KIAA0753: variants seen among roughly 807,000 people sequenced by gnomAD.
KIAA0753 encodes the protein KIAA0753.
In KIAA0753, 114 loss-of-function variants were observed where a neutral mutation model predicts 116.9. That is an observed-to-expected ratio of 0.98 (90% CI 0.84 to 1.14). KIAA0753 has a LOEUF of 1.14. Ranked by LOEUF, KIAA0753 falls within the 50% of genes most tolerant of loss-of-function variation. The pLI is 0.00. For synonymous variants in KIAA0753, 405 were observed against 413.1 expected, an observed-to-expected ratio of 0.98 and a Z score of 0.24; for missense variants, 1,156 against 1,172.4, an observed-to-expected ratio of 0.99 and a Z score of 0.20.
chr17:6,593,638 A>T (rs534579699), intron 16 of KIAA0753, among the ~76,000 whole-genome samples: 2 of 152,376 alleles, frequency 1.3e-5, no homozygotes, highest in East Asian at 3.9e-4. Context: ...CTGGAATCCC[A>T]GCACTGTGGG....
intron 18 of KIAA0753, among the ~76,000 whole-genome samples, chr17:6,583,547 G>T (rs956847013): frequency 1.3e-5 from 2 of 151,488 alleles, no homozygotes; most frequent in Non-Finnish European, 2.9e-5. Context: ...GTCTTTTTTT[G>T]TGTGTCTCCG....
chr17:6,594,709 A>G (rs1969340752), intron 16 of KIAA0753, among the ~76,000 whole-genome samples: 1 of 152,234 alleles, frequency 6.6e-6, no homozygotes, highest in African/African-American at 2.4e-5. Flanking sequence ...CCATAAGTAA[A>G]TATTAAACTC....
intron 2 of KIAA0753, 46 bp downstream of exon 2, chr17:6,634,965 G>T: frequency 8.1e-7 from 1 of 1,241,226 alleles, no homozygotes; most frequent in Non-Finnish European, 1.2e-6. Context: ...CAAATTTTAT[G>T]TTTGAAATAT....
chr17:6,581,279 G>T (rs186365894), intron 18 of KIAA0753, among the ~76,000 whole-genome samples: 70 of 151,766 alleles, frequency 4.6e-4, no homozygotes, highest in African/African-American at 1.5e-3. Flanking sequence ...CCTTTTTTTG[G>T]GGGGGTGGGG....
rs563958974 is a variant in KIAA0753 at position 6,617,372 on chromosome 17, T to C, written c.1315+3416A>G. 3.7e-4 allele frequency among the ~76,000 whole-genome samples: 57 copies of C among 152,280 alleles called. No individual in the cohort carries two copies. The South Asian group carries it at 0.01, about 28-fold the overall frequency. On this transcript the variant is annotated intron_variant, in intron 7 of 18. Coordinates refer to ENST00000361413, the MANE Select transcript of KIAA0753 (RefSeq NM_014804.3). The stretch of plus-strand genomic sequence containing the variant: ...TATATTACTTCTACCTGCCTACCAA[T>C]GAAGGAGAGCGAACATCCCATTAAA...
At chr17:6,638,549 C>A (rs912515683) in intron 1 of KIAA0753, 2 of 155,516 alleles carry the variant, frequency 1.3e-5, no homozygotes, top group African/African-American at 4.8e-5. Flanking sequence ...CAGCCAGCCT[C>A]CTGATCCACT....
At chr17:6,599,493 T>C (rs1186477368) in intron 13 of KIAA0753, among the ~76,000 whole-genome samples, 173 bp from the exon 14 acceptor site, 3 of 152,276 alleles carry the variant, frequency 2.0e-5, no homozygotes, top group African/African-American at 4.8e-5. Flanking sequence ...ATGCCATGTG[T>C]TGATCTTGGC....
chr17:6,591,065 GAAGAAGAAGAAGAAGAA>G (rs1969013437), intron 16 of KIAA0753, among the ~76,000 whole-genome samples: 20 of 80,764 alleles, frequency 2.5e-4, no homozygotes, highest in African/African-American at 1.1e-3. Context: ...AGAAGAAGAA[GAAGAAGAAGAAGAAGAA>G]GAAGAAGAAG....
Position 6,639,295 on chromosome 17 carries a change from C to G in KIAA0753, c.-69+1342G>C, listed in dbSNP as rs1054396013. 6.5e-6 allele frequency: 1 copy of G among 153,248 alleles called. No homozygotes were observed. The highest frequency in any genetic ancestry group is 1.5e-5 in the Non-Finnish European group (1 of 68,860). The allele number at this position is 153,248 out of a possible 1,614,324, so 9.5% of individuals were successfully genotyped here. A position where few individuals can be genotyped will look rare whatever the true frequency, so the allele number is the denominator to read the frequency against. On this transcript the variant is annotated intron_variant, in intron 1 of 18. Coordinates refer to ENST00000361413, the MANE Select transcript of KIAA0753 (RefSeq NM_014804.3). The surrounding 1 kb of genome is among the most constrained non-coding windows in gnomAD (Gnocchi z 4.3). ...AATCTGCGGGGACTGTCCTCTCCCC[C>G]ACAGACCTGCAGCACCGCCACAGCC...
intron 6 of KIAA0753, among the ~76,000 whole-genome samples, 200 bp from the exon 7 acceptor site, chr17:6,621,198 T>C (rs1008617504): frequency 6.6e-6 from 1 of 152,230 alleles, no homozygotes; most frequent in Non-Finnish European, 1.5e-5. Flanking sequence ...CTTTCAGATG[T>C]GTAGCTCACT....
rs538445241 is a variant in KIAA0753, at chr17:6,639,372, G to C, written c.-69+1265C>G. ...CTCCCACAGCCCCAGTCCACCCCAC[G>C]GTCCCAGGCTCGCCCATAGTCTGTT... On this transcript the variant is annotated intron_variant, in intron 1 of 18. Transcript: ENST00000361413. The surrounding 1 kb of genome is among the most constrained non-coding windows in gnomAD (Gnocchi z 4.3). The C allele has an allele frequency of 1.3e-5, 2 of 152,614 alleles. No homozygotes were observed. Among genetic ancestry groups the C allele is most frequent in the East Asian group, 3.9e-4 (2 of 5,160 alleles). 9.5% of individuals were successfully genotyped at this position (152,614 alleles called of 1,614,324 possible).
At chr17:6,592,395 TTAGAGG>T (rs1201496765) in intron 16 of KIAA0753, among the ~76,000 whole-genome samples, 1 of 152,222 alleles carries the variant, frequency 6.6e-6, no homozygotes, top group Non-Finnish European at 1.5e-5. Flanking sequence ...CTTACATTCC[TTAGAGG>T]TAATGTTTAA....
chr17:6,584,992 A>C (rs1968461175), intron 18 of KIAA0753, among the ~76,000 whole-genome samples: 1 of 151,714 alleles, frequency 6.6e-6, no homozygotes, highest in Non-Finnish European at 1.5e-5. Flanking sequence ...GTAGAGAAGA[A>C]GTCTCACCTT....
chr17:6,628,627 A>G lies in KIAA0753; in HGVS notation c.208T>C (p.Tyr70His), dbSNP rs1971830016. The G allele has an allele frequency of 3.1e-6, 5 of 1,613,958 alleles. No homozygotes were observed. Among genetic ancestry groups the G allele is most frequent in the Non-Finnish European group, 4.2e-6 (5 of 1,179,876 alleles). The change falls in exon 3 of 19, where the codon TAC (tyrosine) becomes CAC (histidine). Residue 70 changes from tyrosine to histidine, a missense_variant. Coordinates refer to ENST00000361413, the MANE Select transcript of KIAA0753 (RefSeq NM_014804.3). ...EKLKHSYNES[Y>H]HCKDADCRVG... ...CTACAATCTGCATCTTTACAATGGT[A>G]TGATTCATTGTATGAGTGCTTCAGT...
intron 12 of KIAA0753, among the ~76,000 whole-genome samples, chr17:6,601,504 G>C (rs886457702): frequency 1.3e-5 from 2 of 152,218 alleles, no homozygotes; most frequent in Non-Finnish European, 2.9e-5. Context: ...TGGGCAGTCT[G>C]ACCCAGGCCA....
chr17:6,582,021 C>G (rs1968214857), intron 18 of KIAA0753, among the ~76,000 whole-genome samples: 1 of 152,194 alleles, frequency 6.6e-6, no homozygotes, highest in Admixed American at 6.5e-5. Flanking sequence ...CTACTGGCAC[C>G]TCTGCTTCTG....
At chr17:6,638,672 G>C (rs1323080422) in intron 1 of KIAA0753, 1 of 152,926 alleles carries the variant, frequency 6.5e-6, no homozygotes, top group Non-Finnish European at 1.5e-5. Flanking sequence ...CCAAGCCCAG[G>C]CACTGCCTCG....
intron 7 of KIAA0753, among the ~76,000 whole-genome samples, chr17:6,614,690 G>T (rs1232322627): frequency 6.6e-6 from 1 of 152,210 alleles, no homozygotes; most frequent in African/African-American, 2.4e-5. Context: ...ATACAAAAGG[G>T]GCCTCAACTG....
chr17:6,592,774 T>C (rs975915389), intron 16 of KIAA0753, among the ~76,000 whole-genome samples: 9 of 152,078 alleles, frequency 5.9e-5, no homozygotes, highest in African/African-American at 2.2e-4. Context: ...TCTTAGGTCA[T>C]AGAAAGCAAA....
Sources: gnomAD v4.1 joint callset for allele counts (sites outside exome capture counted in the v4.1 genomes callset) on GRCh38, gnomAD v4.1.1 for gene constraint, Gnocchi (gnomAD v3.1) non-coding constraint, MANE v1.5 for transcripts, NCBI Gene and HGNC (gene_info 2026-07-23, HGNC 2026-07-21) for gene names.